Variants in DLK1 observed in about 807,000 individuals in gnomAD.
DLK1 encodes delta like non-canonical Notch ligand 1.
DLK1 carries 9 observed loss-of-function variants against 35.2 expected under a neutral mutation model. That is an observed-to-expected ratio of 0.26 (90% CI 0.15 to 0.45). DLK1 has a LOEUF of 0.45. Ranked by LOEUF, DLK1 falls within the 20% of genes least tolerant of loss-of-function variation. The pLI is 1.00. For missense variants in DLK1, 522 were observed against 528.5 expected (o/e 0.99, Z 0.12); for synonymous variants, 231 against 228.4 (o/e 1.01, Z -0.10).
rs374248009 is a variant in DLK1 at position 100,734,314 on chromosome 14, C to T, written c.570C>T (p.Gly190=). Residue 190 remains glycine (G), a synonymous_variant, in exon 5 of 5, where the codon GGC becomes GGT. Coordinates refer to ENST00000341267, the MANE Select transcript of DLK1 (RefSeq NM_003836.7). This position sits in a 1 kb window ranked among gnomAD's most constrained non-coding sequence, Gnocchi z 7.4. ...ACGGCGTCTGCACTGACATTGGGGG[C>T]GACTTCCGCTGCCGGTGCCCAGCCG... is the stretch of plus-strand genomic sequence containing the variant. ...ENDGVCTDIG[G]DFRCRCPAGF... 21 of 1,613,170 alleles carry T rather than the reference C, an allele frequency of 1.3e-5. No homozygotes were observed. The highest frequency in any genetic ancestry group is 8.9e-5 in the East Asian group (4 of 44,884).
chr14:100,727,175 A>C, intron 1 of DLK1, 40 bp downstream of exon 1: 4 of 1,518,782 alleles, frequency 2.6e-6, no homozygotes, highest in Non-Finnish European at 3.5e-6. Flanking sequence ...CCCTCTGGGG[A>C]AGCCTGCGAC....
intron 4 of DLK1, 32 bp downstream of exon 4, chr14:100,732,215 A>G (rs1595208289): frequency 6.3e-7 from 1 of 1,598,334 alleles, no homozygotes. Context: ...GATCTAATGA[A>G]TGCTGCTTTT....
At position 100,728,615 on chromosome 14, in the gene DLK1, T is replaced by TGG. The variant is rs200239189; in HGVS notation, c.131+163_131+164dup. The TGG allele has an allele frequency of 9.6e-4, 169 of 176,158 alleles. 2 individuals carry two copies. The highest frequency in any genetic ancestry group is 1.8e-3 in the Middle Eastern group (1 of 550). The allele number at this position is 176,158 out of a possible 1,614,324, so 10.9% of individuals were successfully genotyped here. A position where few individuals can be genotyped will look rare whatever the true frequency, so the allele number is the denominator to read the frequency against. ...AAACTGGTGGGGCGAGCTGGGGAGA[T>TGG]GGGGGGGGCGGGGGGGGGGCAGCCA... On this transcript the variant is annotated intron_variant, in intron 2 of 4. Transcript: ENST00000341267.
At position 100,734,997 on chromosome 14, in the gene DLK1, A is replaced by G; in HGVS notation, c.*101A>G. ...TGGTGTTCGCTATCTCTTGTGTCAA[A>G]TCTGGTGAACGCTACGCTTACATAT... On this transcript the variant is annotated 3_prime_UTR_variant, in exon 5 of 5. Transcript: ENST00000341267. This position sits in a 1 kb window ranked among gnomAD's most constrained non-coding sequence, Gnocchi z 7.4. 6.9e-7 allele frequency: 1 copy of G among 1,456,746 alleles called. No homozygotes were observed. The highest frequency in any genetic ancestry group is 1.4e-5 in the South Asian group (1 of 71,406). The allele number at this position is 1,456,746 out of a possible 1,614,324, so 90.2% of individuals were successfully genotyped here.
intron 3 of DLK1, among the ~76,000 whole-genome samples, chr14:100,730,699 A>G (rs532055436): frequency 1.3e-5 from 2 of 152,336 alleles, no homozygotes; most frequent in East Asian, 3.9e-4. Context: ...TCTGAGTGAC[A>G]GGAGAGTCGG....
chr14:100,732,637 T>C (rs1192300365), intron 4 of DLK1, among the ~76,000 whole-genome samples: 1 of 151,706 alleles, frequency 6.6e-6, no homozygotes, highest in Non-Finnish European at 1.5e-5. Context: ...GGCTGAGAGG[T>C]GAAGAGATTG....
chr14:100,736,028 T>C lies in DLK1; in HGVS notation c.*1132T>C, dbSNP rs1371610630. On this transcript the variant is annotated 3_prime_UTR_variant, in exon 5 of 5. Coordinates refer to ENST00000341267, the MANE Select transcript of DLK1 (RefSeq NM_003836.7). ...TTTTCACAGGGATTAGTGGAAATTG[T>C]CACTTGTGGGGCGCTTACTAGTTTT... 6.6e-6 allele frequency: 1 copy of C among 152,228 alleles called. No individual in the cohort carries two copies. Among genetic ancestry groups the C allele is most frequent in the Non-Finnish European group, 1.5e-5 (1 of 68,046 alleles). 9.4% of individuals were successfully genotyped at this position (152,228 alleles called of 1,614,324 possible).
intron 4 of DLK1, among the ~76,000 whole-genome samples, chr14:100,733,276 C>T (rs980881713): frequency 1.3e-5 from 2 of 152,324 alleles, no homozygotes; most frequent in South Asian, 2.1e-4. Flanking sequence ...CCATGCAGCC[C>T]ACACCCTGAA....
chr14:100,736,421 G>C lies in DLK1; in HGVS notation c.*1525G>C, dbSNP rs2036572491. ...GTCATCATCACCTTCGTCATCTACA[G>C]TCAGTCACATCAGTCACCCACACAC... On this transcript the variant is annotated 3_prime_UTR_variant, in exon 5 of 5. Transcript: ENST00000341267. 1 of 152,148 alleles carries C rather than the reference G, an allele frequency of 6.6e-6. No individual in the cohort carries two copies. The highest frequency in any genetic ancestry group is 1.5e-5 in the Non-Finnish European group (1 of 68,062). The allele number at this position is 152,148 out of a possible 1,614,324, so 9.4% of individuals were successfully genotyped here.
At position 100,735,410 on chromosome 14, in the gene DLK1, T is replaced by C. The variant is rs2139866418; in HGVS notation, c.*514T>C. 6.6e-6 allele frequency: 1 copy of C among 152,582 alleles called. No individual in the cohort carries two copies. The highest frequency in any genetic ancestry group is 2.1e-4 in the South Asian group (1 of 4,838). The allele number at this position is 152,582 out of a possible 1,614,324, so 9.5% of individuals were successfully genotyped here. On this transcript the variant is annotated 3_prime_UTR_variant, in exon 5 of 5. Coordinates refer to ENST00000341267, the MANE Select transcript of DLK1 (RefSeq NM_003836.7). ...TTAGATCTTTCCGATTGATTTGAGA[T>C]TTAGCGGAGTGCAGCGGCTGTGTGT...
Position 100,728,930 on chromosome 14 carries a change from T to C in DLK1, c.132-6T>C. 2 of 1,613,242 alleles carry C rather than the reference T, an allele frequency of 1.2e-6. No individual in the cohort carries two copies. Among genetic ancestry groups the C allele is most frequent in the Non-Finnish European group, 1.7e-6 (2 of 1,179,568 alleles). On this transcript the variant is annotated splice_region_variant and splice_polypyrimidine_tract_variant and intron_variant, in intron 2 of 4. Coordinates refer to ENST00000341267, the MANE Select transcript of DLK1 (RefSeq NM_003836.7). ...TGTCCCCACCTTTCTCCCCCACCCATTGCAGGTGCCAGCCTGGCTGGCAGG... is the reference window on the plus strand; with the variant it reads ...TGTCCCCACCTTTCTCCCCCACCCACTGCAGGTGCCAGCCTGGCTGGCAGG...
At position 100,737,375 on chromosome 14, in the gene DLK1, C is replaced by G. The variant is rs1350728776; in HGVS notation, c.*2479C>G. 6.6e-6 allele frequency: 1 copy of G among 151,992 alleles called. No individual in the cohort carries two copies. Among genetic ancestry groups the G allele is most frequent in the East Asian group, 2.0e-4 (1 of 5,106 alleles). The allele number at this position is 151,992 out of a possible 1,614,324, so 9.4% of individuals were successfully genotyped here. ...CTCTCAGCGTGAGACCTGGACTGAG[C>G]CTGCTAACGATTCTGTTCCTCAGTT... On this transcript the variant is annotated 3_prime_UTR_variant, in exon 5 of 5. Transcript: ENST00000341267.
At chr14:100,731,915 C>A in intron 3 of DLK1, 127 bp from the exon 4 acceptor site, 1 of 1,191,704 alleles carries the variant, frequency 8.4e-7, no homozygotes, top group Non-Finnish European at 1.1e-6. Context: ...TTTGAGGGGG[C>A]TCCCTAAACC....
rs2036563292 is a variant in DLK1, at chr14:100,735,556, C to T, written c.*660C>T. 1 of 152,166 alleles carries T rather than the reference C, an allele frequency of 6.6e-6. No individual in the cohort carries two copies. The highest frequency in any genetic ancestry group is 6.6e-5 in the Admixed American group (1 of 15,260). 9.4% of individuals were successfully genotyped at this position (152,166 alleles called of 1,614,324 possible). ...CCAATCCTGGGCCCACTTTCTCGCCCCTCTCGAGGGAGGGGTTTGAACACC... is the reference window on the plus strand; with the variant it reads ...CCAATCCTGGGCCCACTTTCTCGCCTCTCTCGAGGGAGGGGTTTGAACACC... On this transcript the variant is annotated 3_prime_UTR_variant, in exon 5 of 5. Transcript: ENST00000341267.
At chr14:100,729,662 T>A (rs1392719723) in intron 3 of DLK1, among the ~76,000 whole-genome samples, 2 of 152,190 alleles carry the variant, frequency 1.3e-5, no homozygotes, top group Non-Finnish European at 2.9e-5. Context: ...ATGGGTGTTA[T>A]CTGTTGATTT....
At chr14:100,728,711 G>A in intron 2 of DLK1, 1 of 675,712 alleles carries the variant, frequency 1.5e-6, no homozygotes, top group Non-Finnish European at 2.5e-6. Flanking sequence ...GCAAAACGCA[G>A]CACTCCCCCG....
chr14:100,729,888 G>A (rs1294664390), intron 3 of DLK1, among the ~76,000 whole-genome samples: 4 of 152,288 alleles, frequency 2.6e-5, no homozygotes, highest in African/African-American at 9.6e-5. Context: ...TAGTAAAGAC[G>A]GTACAGATAG....
At chr14:100,732,636 G>A (rs945107031) in intron 4 of DLK1, among the ~76,000 whole-genome samples, 4 of 152,200 alleles carry the variant, frequency 2.6e-5, no homozygotes, top group Non-Finnish European at 5.9e-5. Context: ...AGGCTGAGAG[G>A]TGAAGAGATT....
rs2036439714 is a variant in DLK1, at chr14:100,726,908, C to A, written c.-161C>A. On this transcript the variant is annotated 5_prime_UTR_variant, in exon 1 of 5. Coordinates refer to ENST00000341267, the MANE Select transcript of DLK1 (RefSeq NM_003836.7). The surrounding 1 kb of genome is among the most constrained non-coding windows in gnomAD (Gnocchi z 4.2). The stretch of plus-strand genomic sequence containing the variant: ...GGCGGCGGCGGCAGCTCCCCGGCAG[C>A]GGCGGTGGAGAGCGCAGCGCGCAGC... 7.4e-6 allele frequency: 4 copies of A among 543,338 alleles called. No homozygotes were observed. Among genetic ancestry groups the A allele is most frequent in the Non-Finnish European group, 8.0e-6 (3 of 374,362 alleles). The allele number at this position is 543,338 out of a possible 1,614,324, so 33.7% of individuals were successfully genotyped here.
Sources: allele counts gnomAD v4.1 joint callset (sites outside exome capture counted in the v4.1 genomes callset), GRCh38; gene constraint gnomAD v4.1.1; non-coding constraint Gnocchi (gnomAD v3.1); transcripts MANE v1.5; gene names NCBI Gene and HGNC (gene_info 2026-07-23, HGNC 2026-07-21).